Variants in CDH20 observed in about 807,000 individuals in gnomAD.
CDH20 encodes cadherin 20.
A neutral mutation model predicts 74.2 loss-of-function variants in CDH20; 29 were observed. The observed-to-expected ratio is 0.39, with a 90% CI of 0.29 to 0.53. CDH20 has a LOEUF of 0.53. Among genes scored for constraint, CDH20 ranks in the 20% least tolerant of loss-of-function variants. CDH20 has a pLI of 0.69. For missense variants in CDH20, 988 were observed against 1,048.3 expected, an observed-to-expected ratio of 0.94 and a Z score of 0.79; for synonymous variants, 469 against 405.4, an observed-to-expected ratio of 1.16 and a Z score of -1.88.
At chr18:61,520,467 T>TA (rs1474345333) in intron 6 of CDH20, among the ~76,000 whole-genome samples, 3 of 151,046 alleles carry the variant, frequency 2.0e-5, no homozygotes, top group Non-Finnish European at 4.4e-5. Context: ...CAAAGAGACT[T>TA]AGACTCCCAC....
At chr18:61,334,432 C>G (rs1008711447) in intron 1 of CDH20, 4 of 152,346 alleles carry the variant, frequency 2.6e-5, no homozygotes, top group Admixed American at 2.6e-4. Context: ...TGCCGGACTT[C>G]GCCAACTCCC....
intron 1 of CDH20, among the ~76,000 whole-genome samples, chr18:61,483,124 CT>C (rs1434420681): frequency 6.6e-6 from 1 of 152,148 alleles, no homozygotes; most frequent in African/African-American, 2.4e-5. Flanking sequence ...TCATTTCTCC[CT>C]TTTCTGATCT....
At chr18:61,474,304 C>T (rs1910292017) in intron 1 of CDH20, among the ~76,000 whole-genome samples, 1 of 152,216 alleles carries the variant, frequency 6.6e-6, no homozygotes, top group African/African-American at 2.4e-5. Flanking sequence ...AGATGCTCAT[C>T]TTCTGTGAAG....
chr18:61,475,180 C>T (rs1176842913), intron 1 of CDH20, among the ~76,000 whole-genome samples: 10 of 152,212 alleles, frequency 6.6e-5, no homozygotes. Flanking sequence ...AACACCAGAA[C>T]TATGGCAATG....
intron 1 of CDH20, among the ~76,000 whole-genome samples, chr18:61,480,288 T>C (rs995785894): frequency 6.6e-6 from 1 of 152,238 alleles, no homozygotes; most frequent in African/African-American, 2.4e-5. Context: ...GAACCTCGAA[T>C]ATCTGAGACA....
chr18:61,443,028 G>A (rs890843941), intron 1 of CDH20, among the ~76,000 whole-genome samples: 22 of 152,158 alleles, frequency 1.4e-4, no homozygotes, highest in Admixed American at 1.3e-4. Context: ...GCTTCCACAC[G>A]ATAAGTTGTA....
chr18:61,444,956 G>C (rs1909152174), intron 1 of CDH20, among the ~76,000 whole-genome samples: 1 of 152,044 alleles, frequency 6.6e-6, no homozygotes, highest in African/African-American at 2.4e-5. Context: ...TGCTCTAAAT[G>C]CTATTCTAAG....
At chr18:61,459,458 T>C (rs907766174) in intron 1 of CDH20, among the ~76,000 whole-genome samples, 1 of 152,154 alleles carries the variant, frequency 6.6e-6, no homozygotes, top group Non-Finnish European at 1.5e-5. Flanking sequence ...GTGTGGTAGA[T>C]ACTAATGCTA....
At chr18:61,543,357 T>C (rs1913108052) in intron 9 of CDH20, among the ~76,000 whole-genome samples, 1 of 152,150 alleles carries the variant, frequency 6.6e-6, no homozygotes, top group African/African-American at 2.4e-5. Context: ...TCTACAGGGC[T>C]GGGCCCAAGA....
chr18:61,437,334 G>A (rs1022332537), intron 1 of CDH20, among the ~76,000 whole-genome samples: 3 of 152,182 alleles, frequency 2.0e-5, no homozygotes, highest in Admixed American at 2.0e-4. Flanking sequence ...TTTGTGAGCT[G>A]CCATGTTCAT....
At chr18:61,492,608 A>G (rs1910997977) in intron 2 of CDH20, among the ~76,000 whole-genome samples, 2 of 152,176 alleles carry the variant, frequency 1.3e-5, no homozygotes, top group East Asian at 1.9e-4. Flanking sequence ...TTGCAGCGGT[A>G]TGACCTTTGA....
intron 1 of CDH20, among the ~76,000 whole-genome samples, chr18:61,390,166 C>T (rs1911731457): frequency 1.3e-5 from 2 of 149,828 alleles, no homozygotes; most frequent in Non-Finnish European, 3.0e-5. Flanking sequence ...CCTGCCCATT[C>T]ACCATGTATC....
At chr18:61,461,064 C>T (rs1478669971) in intron 1 of CDH20, among the ~76,000 whole-genome samples, 1 of 151,966 alleles carries the variant, frequency 6.6e-6, no homozygotes, top group African/African-American at 2.4e-5. Flanking sequence ...AGCAATTTTG[C>T]ATTTTGTGAA....
chr18:61,337,689 T>C (rs775471342), intron 1 of CDH20, among the ~76,000 whole-genome samples: 1 of 152,156 alleles, frequency 6.6e-6, no homozygotes, highest in African/African-American at 2.4e-5. Context: ...TTATTGTTAT[T>C]TACTAAAAGA....
chr18:61,515,937 T>TA (rs11453784), intron 6 of CDH20, among the ~76,000 whole-genome samples: 120,301 of 151,808 alleles, frequency 0.79, 48,234 homozygotes, highest in Non-Finnish European at 0.85. Flanking sequence ...ATAATAATTT[T>TA]AAAAAAAAGA....
Position 61,499,352 on chromosome 18 carries a change from A to G in CDH20, c.413A>G (p.Asp138Gly). The G allele has an allele frequency of 6.2e-7, 1 of 1,614,114 alleles. No homozygotes were observed. Among genetic ancestry groups the G allele is most frequent in the Non-Finnish European group, 8.5e-7 (1 of 1,180,016 alleles). ...TATACTCTAAGGGCTCAAGCCCTAG[A>G]CAGGCGGACGGGCAGGCCAATGGAG... ...AQYTLRAQAL[D>G]RRTGRPMEPE... The change falls in exon 3 of 12, where the codon GAC (aspartate) becomes GGC (glycine). Residue 138 changes from aspartate (D) to glycine (G), a missense_variant. Asp to Gly is a moderately conservative substitution (Grantham distance 94, BLOSUM62 -1). Coordinates refer to ENST00000262717, the MANE Select transcript of CDH20 (RefSeq NM_031891.4).
intron 1 of CDH20, among the ~76,000 whole-genome samples, chr18:61,335,361 C>G (rs1293398611): frequency 1.3e-5 from 2 of 152,274 alleles, no homozygotes; most frequent in South Asian, 2.1e-4. Flanking sequence ...GCCCAGGGTG[C>G]AGGCTTGGGC....
intron 1 of CDH20, among the ~76,000 whole-genome samples, chr18:61,476,064 T>A (rs1910370431): frequency 6.6e-6 from 1 of 152,158 alleles, no homozygotes. Context: ...GTGCATTTTC[T>A]AAAGAGAGCC....
At chr18:61,509,956 C>G (rs186504931) in intron 6 of CDH20, among the ~76,000 whole-genome samples, 1 of 152,126 alleles carries the variant, frequency 6.6e-6, no homozygotes, top group Non-Finnish European at 1.5e-5. Flanking sequence ...TTAACTGAGA[C>G]AGGGAAGTCT....
Sources: allele counts gnomAD v4.1 joint callset (sites outside exome capture counted in the v4.1 genomes callset), GRCh38; gene constraint gnomAD v4.1.1; transcripts MANE v1.5; gene names NCBI Gene and HGNC (gene_info 2026-07-23, HGNC 2026-07-21).